The following ERCC6 variants were observed in gnomAD, a reference collection of about 807,000 sequenced individuals.
The protein encoded by ERCC6 is DNA excision repair protein ERCC-6.
In ERCC6, 116 loss-of-function variants were observed where a neutral mutation model predicts 158.7. The observed-to-expected ratio is 0.73, with a 90% CI of 0.63 to 0.85. The LOEUF is 0.85. Among genes scored for constraint, ERCC6 ranks in the 40% least tolerant of loss-of-function variants. ERCC6 has a pLI of 0.00. For missense variants in ERCC6, 1,698 were observed against 1,799.4 expected, an observed-to-expected ratio of 0.94 and a Z score of 1.02; for synonymous variants, 678 against 659.3, an observed-to-expected ratio of 1.03 and a Z score of -0.43.
At chr10:49,506,979 G>A (rs993050221) in intron 5 of ERCC6, among the ~76,000 whole-genome samples, 10 of 152,042 alleles carry the variant, frequency 6.6e-5, no homozygotes, top group African/African-American at 1.4e-4. Context: ...CATAGGAAGC[G>A]AGTAAGAGCA....
chr10:49,463,050 A>T (rs1850611768), intron 18 of ERCC6, among the ~76,000 whole-genome samples: 1 of 152,238 alleles, frequency 6.6e-6, no homozygotes, highest in Non-Finnish European at 1.5e-5. Flanking sequence ...AAACTGTGGT[A>T]CAGGTTGAAT....
chr10:49,451,004 G>C (rs1042141278), downstream of ERCC6, among the ~76,000 whole-genome samples: 1 of 151,870 alleles, frequency 6.6e-6, no homozygotes, highest in Admixed American at 6.6e-5. Flanking sequence ...GTGGAGACAG[G>C]GTTTCACCGT....
At chr10:49,435,980 C>T in the ERCC6 span, among the ~76,000 whole-genome samples, 7 of 144,546 alleles carry the variant, frequency 4.8e-5, no homozygotes, top group African/African-American at 7.7e-5. Flanking sequence ...CCAGCCTGGG[C>T]GACAGAATCA....
At chr10:49,467,960 A>G (rs1490812902) in intron 18 of ERCC6, among the ~76,000 whole-genome samples, 1 of 152,170 alleles carries the variant, frequency 6.6e-6, no homozygotes, top group Non-Finnish European at 1.5e-5. Flanking sequence ...GTAGGGCTGA[A>G]GCAGTGCTCA....
At chr10:49,516,129 G>C (rs750846256) in intron 5 of ERCC6, 1 of 1,614,044 alleles carries the variant, frequency 6.2e-7, no homozygotes, top group East Asian at 2.2e-5. Context: ...GACAAGTGAC[G>C]CACCGACACC....
intron 5 of ERCC6, among the ~76,000 whole-genome samples, chr10:49,523,519 C>G (rs778141050): frequency 3.3e-5 from 5 of 152,222 alleles, no homozygotes; most frequent in Non-Finnish European, 7.3e-5. Context: ...TATAATTATG[C>G]AGATGACTAT....
intron 1 of ERCC6, among the ~76,000 whole-genome samples, chr10:49,534,133 C>CAAAAAAAAA (rs746772551): frequency 1.0e-4 from 6 of 60,290 alleles, no homozygotes; most frequent in Non-Finnish European, 1.2e-4. Flanking sequence ...GACTCAATCT[C>CAAAAAAAAA]AAAAAAAAAA....
At chr10:49,479,314 A>T (rs554759090) in intron 10 of ERCC6, among the ~76,000 whole-genome samples, 1 of 152,208 alleles carries the variant, frequency 6.6e-6, no homozygotes, top group Non-Finnish European at 1.5e-5. Flanking sequence ...AAAGAGCTTG[A>T]CCACACACAC....
intron 7 of ERCC6, among the ~76,000 whole-genome samples, chr10:49,498,055 T>C (rs1851295947): frequency 6.6e-6 from 1 of 152,310 alleles, no homozygotes; most frequent in Non-Finnish European, 1.5e-5. Context: ...AATGGCAAAG[T>C]GAAAAGAAGG....
At chr10:49,507,705 T>G (rs1851467842) in intron 5 of ERCC6, among the ~76,000 whole-genome samples, 1 of 152,138 alleles carries the variant, frequency 6.6e-6, no homozygotes, top group South Asian at 2.1e-4. Flanking sequence ...CCCAGAGATA[T>G]TCTTGGTTGT....
chr10:49,483,657 G>T (rs1490401966), intron 8 of ERCC6, 141 bp from the exon 9 acceptor site: 2 of 863,042 alleles, frequency 2.3e-6, no homozygotes, highest in Non-Finnish European at 1.8e-6. Flanking sequence ...AGCACTGGAA[G>T]TGTACTTGTT....
downstream of ERCC6, among the ~76,000 whole-genome samples, chr10:49,449,977 A>T (rs1049122469): frequency 2.6e-5 from 4 of 152,056 alleles, no homozygotes; most frequent in Non-Finnish European, 4.4e-5. Flanking sequence ...GGCTCAAGTG[A>T]TCCTCTCACC....
intron 6 of ERCC6, chr10:49,503,784 C>A (rs902537253): frequency 6.6e-6 from 1 of 151,998 alleles, no homozygotes; most frequent in Non-Finnish European, 1.5e-5. Flanking sequence ...TCTTTAGGGA[C>A]AGTTAAAGAT....
intron 6 of ERCC6, chr10:49,503,131 ACT>A (rs761875153): frequency 2.0e-5 from 3 of 152,132 alleles, no homozygotes; most frequent in South Asian, 4.1e-4. Flanking sequence ...GGGTCCAACA[ACT>A]CTTTTTGCTT....
intron 1 of ERCC6, among the ~76,000 whole-genome samples, chr10:49,537,502 T>TACAC (rs1157343253): frequency 4.4e-4 from 57 of 128,904 alleles, no homozygotes; most frequent in African/African-American, 1.5e-3. Context: ...TATATATATA[T>TACAC]ACACATACAC....
chr10:49,472,271 C>G (rs1850793969), intron 16 of ERCC6, 105 bp downstream of exon 16: 1 of 995,798 alleles, frequency 1.0e-6, no homozygotes, highest in Admixed American at 1.7e-5. Context: ...GTTATAGCAA[C>G]TATTATTCTA....
chr10:49,502,050 T>G (rs1018048295), intron 6 of ERCC6: 1 of 152,282 alleles, frequency 6.6e-6, no homozygotes, highest in East Asian at 1.9e-4. Flanking sequence ...TAAAAGAAGA[T>G]AGTTTTGTTG....
At chr10:49,449,165 C>A in the ERCC6 span, among the ~76,000 whole-genome samples, 1 of 152,168 alleles carries the variant, frequency 6.6e-6, no homozygotes, top group African/African-American at 2.4e-5. Context: ...TTATTTTAGC[C>A]AACTTAGTGG....
chr10:49,534,897 T>C (rs1369653933), intron 1 of ERCC6, among the ~76,000 whole-genome samples: 1 of 152,168 alleles, frequency 6.6e-6, no homozygotes, highest in Admixed American at 6.5e-5. Context: ...TTCAGCATCA[T>C]CTACACCCGA....
Sources: allele counts gnomAD v4.1 joint callset (sites outside exome capture counted in the v4.1 genomes callset), GRCh38; gene constraint gnomAD v4.1.1; transcripts MANE v1.5; gene names NCBI Gene and HGNC (gene_info 2026-07-23, HGNC 2026-07-21).